The following GPC5 variants were observed in gnomAD, a reference collection of about 807,000 sequenced individuals.
GPC5 encodes the protein glypican 5, also known as glypican-5.
GPC5 carries 47 observed loss-of-function variants against 53.9 expected under a neutral mutation model. That is an observed-to-expected ratio of 0.87 (90% CI 0.69 to 1.11). GPC5 has a LOEUF of 1.11. Ranked by LOEUF, GPC5 falls within the 50% of genes most tolerant of loss-of-function variation. GPC5 has a pLI of 0.00. For synonymous variants in GPC5, 286 were observed against 263.3 expected, an observed-to-expected ratio of 1.09 and a Z score of -0.84; for missense variants, 748 against 713.1, an observed-to-expected ratio of 1.05 and a Z score of -0.56.
At chr13:92,519,685 T>C (rs1379455340) in intron 7 of GPC5, among the ~76,000 whole-genome samples, 3 of 152,026 alleles carry the variant, frequency 2.0e-5, no homozygotes, top group African/African-American at 4.8e-5. Flanking sequence ...AGGAAAGATC[T>C]AAAATTGACA....
chr13:91,744,732 A>G (rs2037010447), intron 4 of GPC5, among the ~76,000 whole-genome samples: 1 of 152,154 alleles, frequency 6.6e-6, no homozygotes, highest in Non-Finnish European at 1.5e-5. Flanking sequence ...CTTGTTCCGT[A>G]AGTCACAAAG....
At chr13:92,683,813 C>T (rs972924838) in intron 7 of GPC5, among the ~76,000 whole-genome samples, 1 of 152,076 alleles carries the variant, frequency 6.6e-6, no homozygotes, top group African/African-American at 2.4e-5. Flanking sequence ...CAAAGACTCT[C>T]TCACTCCACC....
At chr13:92,471,920 T>C (rs796868191) in intron 7 of GPC5, among the ~76,000 whole-genome samples, 2 of 152,290 alleles carry the variant, frequency 1.3e-5, no homozygotes, top group African/African-American at 4.8e-5. Context: ...GTTCTGTTTT[T>C]ATAGAAAGTG....
At chr13:91,507,665 A>G (rs1885014257) in intron 2 of GPC5, among the ~76,000 whole-genome samples, 1 of 152,150 alleles carries the variant, frequency 6.6e-6, no homozygotes, top group South Asian at 2.1e-4. Context: ...GAGCCAAACA[A>G]TATCACAGCC....
chr13:91,883,527 A>G (rs952505878), intron 5 of GPC5, among the ~76,000 whole-genome samples: 12 of 152,232 alleles, frequency 7.9e-5, no homozygotes, highest in Non-Finnish European at 1.6e-4. Context: ...GCTCTGCTGA[A>G]AAAAGAGCAT....
At chr13:92,146,630 A>G (rs2041869209) in intron 7 of GPC5, among the ~76,000 whole-genome samples, 1 of 152,008 alleles carries the variant, frequency 6.6e-6, no homozygotes, top group African/African-American at 2.4e-5. Flanking sequence ...TATACATCGT[A>G]CTCAATTTGT....
intron 5 of GPC5, among the ~76,000 whole-genome samples, chr13:91,763,643 C>A (rs574888996): frequency 3.9e-5 from 6 of 152,306 alleles, no homozygotes; most frequent in African/African-American, 1.4e-4. Flanking sequence ...GGTTTGAAAT[C>A]AACAGAAAAT....
chr13:91,562,169 A>G (rs1193013151), intron 2 of GPC5, among the ~76,000 whole-genome samples: 1 of 148,648 alleles, frequency 6.7e-6, no homozygotes. Flanking sequence ...TGTTATCAAA[A>G]GAGAAAAAGG....
chr13:92,147,240 A>G (rs184198642), intron 7 of GPC5, among the ~76,000 whole-genome samples: 1 of 152,152 alleles, frequency 6.6e-6, no homozygotes, highest in African/African-American at 2.4e-5. Context: ...TGTATTTAGG[A>G]ATTATAACAC....
At chr13:92,523,759 CA>C (rs1881160654) in intron 7 of GPC5, among the ~76,000 whole-genome samples, 1 of 152,032 alleles carries the variant, frequency 6.6e-6, no homozygotes, top group Admixed American at 6.6e-5. Context: ...TTATAGTCAA[CA>C]AATTAATTAT....
At chr13:92,253,300 T>C (rs190507274) in intron 7 of GPC5, among the ~76,000 whole-genome samples, 38 of 152,164 alleles carry the variant, frequency 2.5e-4, no homozygotes, top group African/African-American at 8.4e-4. Flanking sequence ...ATGAGAAGTC[T>C]CTGAAGGGTT....
At chr13:92,718,773 T>C (rs968493502) in intron 7 of GPC5, among the ~76,000 whole-genome samples, 1 of 151,786 alleles carries the variant, frequency 6.6e-6, no homozygotes, top group Non-Finnish European at 1.5e-5. Context: ...CTCCGGAGGC[T>C]GAGGTGGGAG....
intron 5 of GPC5, among the ~76,000 whole-genome samples, chr13:91,894,007 A>T (rs2039415547): frequency 6.6e-6 from 1 of 151,360 alleles, no homozygotes; most frequent in Non-Finnish European, 1.5e-5. Flanking sequence ...TTTATGTTGG[A>T]TATAAATATA....
intron 5 of GPC5, among the ~76,000 whole-genome samples, chr13:91,865,622 G>T (rs546101225): frequency 4.6e-5 from 7 of 152,020 alleles, no homozygotes; most frequent in Non-Finnish European, 1.0e-4. Flanking sequence ...GAATTTTCTG[G>T]CACTTCAAAT....
At chr13:91,639,060 C>T (rs2034355067) in intron 2 of GPC5, among the ~76,000 whole-genome samples, 1 of 152,082 alleles carries the variant, frequency 6.6e-6, no homozygotes, top group Non-Finnish European at 1.5e-5. Context: ...ATAAACTTTA[C>T]CTTATTTTAT....
At chr13:91,401,426 TC>T (rs1876946986) in intron 1 of GPC5, among the ~76,000 whole-genome samples, 1 of 152,188 alleles carries the variant, frequency 6.6e-6, no homozygotes, top group Non-Finnish European at 1.5e-5. Context: ...TAATTGACTA[TC>T]ATATTTTCTA....
intron 7 of GPC5, among the ~76,000 whole-genome samples, chr13:92,468,268 C>A (rs1878778636): frequency 6.6e-6 from 1 of 152,040 alleles, no homozygotes; most frequent in Non-Finnish European, 1.5e-5. Context: ...AACAAGCATA[C>A]AAGCAGCATA....
chr13:92,577,605 A>C (rs1269960798), intron 7 of GPC5, among the ~76,000 whole-genome samples: 1 of 152,166 alleles, frequency 6.6e-6, no homozygotes, highest in East Asian at 1.9e-4. Context: ...GTAAAGCTTC[A>C]TATTTCAGAT....
intron 7 of GPC5, among the ~76,000 whole-genome samples, chr13:92,740,908 A>T (rs1159022498): frequency 3.5e-5 from 5 of 142,730 alleles, no homozygotes; most frequent in Admixed American, 2.9e-4. Flanking sequence ...ATATATATAT[A>T]TATATATATA....
Sources: allele counts gnomAD v4.1 joint callset (sites outside exome capture counted in the v4.1 genomes callset), GRCh38; gene constraint gnomAD v4.1.1; transcripts MANE v1.5; gene names NCBI Gene and HGNC (gene_info 2026-07-23, HGNC 2026-07-21).